The following ATG7 variants were observed in gnomAD, a reference collection of about 807,000 sequenced individuals.
The protein encoded by ATG7 is autophagy related 7.
Under a neutral mutation model 82.4 loss-of-function variants are expected in ATG7, and 70 were observed. The ratio of observed to expected loss-of-function variants is 0.85; its 90% CI spans 0.70 to 1.04. The LOEUF (loss-of-function observed/expected upper bound fraction) is 1.04. Among genes scored for constraint, ATG7 ranks in the 50% least tolerant of loss-of-function variants. The pLI is 0.00. For missense variants in ATG7, 792 were observed against 864.3 expected, an observed-to-expected ratio of 0.92 and a Z score of 1.05; for synonymous variants, 287 against 313.0, an observed-to-expected ratio of 0.92 and a Z score of 0.88.
intron 18 of ATG7, among the ~76,000 whole-genome samples, chr3:11,375,573 C>T (rs567242779): frequency 1.3e-5 from 2 of 152,208 alleles, no homozygotes; most frequent in South Asian, 4.1e-4. Flanking sequence ...TTTCCCCTTG[C>T]CCCCAAGATG....
rs138541463 is a variant in ATG7 at position 11,352,618 on chromosome 3, C to T, written c.1284+4583C>T. On this transcript the variant is annotated intron_variant, in intron 14 of 20. Transcript: ENST00000693202. ...TCAACAGATACTTATTCATCACCTTCCTTCTACCAGGCCACGGAGAAAAGG... is the reference window on the plus strand; with the variant it reads ...TCAACAGATACTTATTCATCACCTTTCTTCTACCAGGCCACGGAGAAAAGG... 4.9e-3 allele frequency among the ~76,000 whole-genome samples: 753 copies of T among 152,340 alleles called. 4 individuals are homozygous for T. The highest frequency in any genetic ancestry group is 8.1e-3 in the Non-Finnish European group (551 of 68,034).
chr3:11,371,709 C>A (rs956699321), intron 18 of ATG7, among the ~76,000 whole-genome samples: 5 of 151,242 alleles, frequency 3.3e-5, no homozygotes, highest in African/African-American at 1.2e-4. Flanking sequence ...TCCATGAAAA[C>A]ATGGCTTCTT....
rs1372672889 is a variant in ATG7, at chr3:11,451,898, CACAG to C, written c.2079+24976_2079+24979del. On this transcript the variant is annotated intron_variant, in intron 20 of 20. Coordinates refer to ENST00000693202, the MANE Select transcript of ATG7 (RefSeq NM_001349232.2). ...ACACACACACACAGACACACACACA[CACAG>C]ACACACACACACACACATATACATA... Among the ~76,000 whole-genome samples, 4 of 150,882 alleles carry C rather than the reference CACAG, an allele frequency of 2.7e-5. No homozygotes were observed. In the East Asian group the frequency reaches 5.8e-4, roughly 22 times the overall value.
At chr3:11,450,670 T>G (rs2085028035) in intron 20 of ATG7, among the ~76,000 whole-genome samples, 3 of 152,210 alleles carry the variant, frequency 2.0e-5, no homozygotes, top group Admixed American at 2.0e-4. Flanking sequence ...TCTTGCCAAT[T>G]TCCAGAGAGT....
At chr3:11,341,122 C>T (rs1953526010) in intron 12 of ATG7, among the ~76,000 whole-genome samples, 2 of 143,696 alleles carry the variant, frequency 1.4e-5, no homozygotes, top group South Asian at 2.4e-4. Context: ...AATACAATGG[C>T]GCAATCTCTG....
chr3:11,572,283 TGA>T, the ATG7 span, among the ~76,000 whole-genome samples: 1 of 152,194 alleles, frequency 6.6e-6, no homozygotes, highest in Non-Finnish European at 1.5e-5. Context: ...AAACTGAGCT[TGA>T]GAGAGGCTAA....
chr3:11,375,206 TCAAAA>T (rs1359603950), intron 18 of ATG7, among the ~76,000 whole-genome samples: 2 of 152,050 alleles, frequency 1.3e-5, no homozygotes, highest in African/African-American at 4.8e-5. Flanking sequence ...AGACACTCTA[TCAAAA>T]CAAACAAATG....
chr3:11,310,749 C>T (rs961641444), intron 7 of ATG7, among the ~76,000 whole-genome samples: 2 of 151,948 alleles, frequency 1.3e-5, no homozygotes, highest in African/African-American at 2.4e-5. Context: ...TCTCCTGCCT[C>T]AGCCTCCTGA....
chr3:11,509,635 G>T (rs1176116998), intron 20 of ATG7, among the ~76,000 whole-genome samples: 2 of 151,570 alleles, frequency 1.3e-5, no homozygotes, highest in Non-Finnish European at 2.9e-5. Flanking sequence ...GGTGTGGTTG[G>T]TTTTTTTTGG....
chr3:11,284,005 A>G (rs923258740), intron 3 of ATG7, among the ~76,000 whole-genome samples: 9 of 152,098 alleles, frequency 5.9e-5, no homozygotes, highest in African/African-American at 2.2e-4. Context: ...ACACAGAAAA[A>G]TCAGAGTGTG....
At chr3:11,547,683 C>G (rs1274123068) in intron 20 of ATG7, among the ~76,000 whole-genome samples, 1 of 152,218 alleles carries the variant, frequency 6.6e-6, no homozygotes, top group Non-Finnish European at 1.5e-5. Context: ...TCAACACTTA[C>G]TATGATCTGG....
At chr3:11,572,471 G>C in the ATG7 span, among the ~76,000 whole-genome samples, 11 of 152,242 alleles carry the variant, frequency 7.2e-5, no homozygotes, top group East Asian at 1.7e-3. Flanking sequence ...CTTTCCTCTG[G>C]CCATGATGAA....
At chr3:11,438,568 C>G (rs1379468557) in intron 20 of ATG7, among the ~76,000 whole-genome samples, 3 of 137,024 alleles carry the variant, frequency 2.2e-5, no homozygotes, top group Non-Finnish European at 4.6e-5. Context: ...CTTGTCTTAA[C>G]TAAAACAAAA....
At position 11,535,493 on chromosome 3, in the gene ATG7, C is replaced by T. The variant is rs187661784; in HGVS notation, c.2080-19318C>T. 5.4e-4 allele frequency among the ~76,000 whole-genome samples: 82 copies of T among 152,204 alleles called. No individual in the cohort carries two copies. In the East Asian group the frequency reaches 0.013, roughly 25 times the overall value. On this transcript the variant is annotated intron_variant, in intron 20 of 20. Transcript: ENST00000693202. ...GGCCAGGCAGGTCTCAGAGCAGGCT[C>T]TCTTTGATGGATTAGGGGGAGGTGG...
At chr3:11,566,047 A>C in the ATG7 span, among the ~76,000 whole-genome samples, 1 of 152,230 alleles carries the variant, frequency 6.6e-6, no homozygotes, top group African/African-American at 2.4e-5. Flanking sequence ...TTATTTTCAG[A>C]GTCTACAAGT....
At chr3:11,564,627 C>A in the ATG7 span, 1 of 782,940 alleles carries the variant, frequency 1.3e-6, no homozygotes. Flanking sequence ...TCTGCTGTCC[C>A]TTGTCCCAAG....
chr3:11,352,679 A>G (rs2075650803), intron 14 of ATG7, among the ~76,000 whole-genome samples: 1 of 152,258 alleles, frequency 6.6e-6, no homozygotes, highest in African/African-American at 2.4e-5. Context: ...TTCTGCCCTC[A>G]TAGAGCTTAT....
At chr3:11,476,520 C>T (rs1242735407) in intron 20 of ATG7, among the ~76,000 whole-genome samples, 1 of 151,474 alleles carries the variant, frequency 6.6e-6, no homozygotes, top group Non-Finnish European at 1.5e-5. Flanking sequence ...ATAATTACTC[C>T]TCCCAGAGAT....
chr3:11,463,652 A>G (rs1016178043), intron 20 of ATG7, among the ~76,000 whole-genome samples: 1 of 152,172 alleles, frequency 6.6e-6, no homozygotes, highest in South Asian at 2.1e-4. Context: ...AACATAATGG[A>G]AAGAAAAGTT....
Sources: gnomAD v4.1 joint callset for allele counts (sites outside exome capture counted in the v4.1 genomes callset) on GRCh38, gnomAD v4.1.1 for gene constraint, MANE v1.5 for transcripts, NCBI Gene and HGNC (gene_info 2026-07-23, HGNC 2026-07-21) for gene names.